Variants in ZFPM2 observed in about 807,000 individuals in gnomAD.
The protein encoded by ZFPM2 is zinc finger protein, FOG family member 2.
ZFPM2 carries 20 observed loss-of-function variants against 98.6 expected under a neutral mutation model. That is an observed-to-expected ratio of 0.20 (90% CI 0.14 to 0.29). The LOEUF (loss-of-function observed/expected upper bound fraction) is 0.29. ZFPM2 is among the 10% of genes least tolerant of loss of function. The pLI is 1.00. For synonymous variants in ZFPM2, 518 were observed against 502.7 expected, an observed-to-expected ratio of 1.03 and a Z score of -0.41; for missense variants, 1,310 against 1,388.6, an observed-to-expected ratio of 0.94 and a Z score of 0.90.
intron 2 of ZFPM2, among the ~76,000 whole-genome samples, chr8:105,442,279 G>A (rs977554299): frequency 3.2e-4 from 48 of 152,184 alleles, no homozygotes; most frequent in Middle Eastern, 6.8e-3. Context: ...AGGAGGTGGA[G>A]CTTGCAGTGA....
chr8:105,531,579 T>C (rs1044125310), intron 3 of ZFPM2, among the ~76,000 whole-genome samples: 8 of 152,178 alleles, frequency 5.3e-5, no homozygotes, highest in African/African-American at 1.9e-4. Flanking sequence ...TTCCAAATAG[T>C]GTGACATCCT....
At chr8:105,468,946 T>C (rs967033025) in intron 3 of ZFPM2, among the ~76,000 whole-genome samples, 4 of 151,822 alleles carry the variant, frequency 2.6e-5, no homozygotes, top group African/African-American at 9.7e-5. Flanking sequence ...TTTTAACTAC[T>C]CTGCTGAATA....
At position 105,489,829 on chromosome 8, in the gene ZFPM2, C is replaced by T. The variant is rs149252066; in HGVS notation, c.301+45448C>T. 5.3e-4 allele frequency among the ~76,000 whole-genome samples: 80 copies of T among 152,182 alleles called. No homozygotes were observed. The East Asian group carries it at 0.012, about 24-fold the overall frequency. ...CTAAAATCATAAGAAATTCAAATTGCTCTATCAAATTCTTACACTTATATT... is the reference window on the plus strand; with the variant it reads ...CTAAAATCATAAGAAATTCAAATTGTTCTATCAAATTCTTACACTTATATT... On this transcript the variant is annotated intron_variant, in intron 3 of 7. Transcript: ENST00000407775.
At chr8:105,594,955 G>A (rs528339332) in intron 4 of ZFPM2, among the ~76,000 whole-genome samples, 1 of 152,174 alleles carries the variant, frequency 6.6e-6, no homozygotes, top group East Asian at 1.9e-4. Flanking sequence ...GATTTCTGAT[G>A]GAGGATTCTA....
intron 4 of ZFPM2, among the ~76,000 whole-genome samples, chr8:105,597,881 A>G (rs1301090813): frequency 6.6e-6 from 1 of 152,098 alleles, no homozygotes; most frequent in African/African-American, 2.4e-5. Flanking sequence ...ACTATTAATT[A>G]GGATAAATAT....
intron 5 of ZFPM2, among the ~76,000 whole-genome samples, chr8:105,760,519 T>C (rs1333330013): frequency 6.6e-6 from 1 of 152,066 alleles, no homozygotes; most frequent in Non-Finnish European, 1.5e-5. Context: ...TTAAATGTAC[T>C]TCCTGTCTAA....
At chr8:105,421,446 A>G (rs1811790962) in intron 2 of ZFPM2, among the ~76,000 whole-genome samples, 1 of 152,168 alleles carries the variant, frequency 6.6e-6, no homozygotes, top group Admixed American at 6.5e-5. Flanking sequence ...CAGGATAAAT[A>G]GTAATATTAC....
intron 4 of ZFPM2, among the ~76,000 whole-genome samples, chr8:105,622,907 A>C (rs1397506479): frequency 6.6e-6 from 1 of 152,168 alleles, no homozygotes. Context: ...CCAAATATAC[A>C]GTTTTTCTTT....
chr8:105,490,702 T>C (rs1292410161), intron 3 of ZFPM2, among the ~76,000 whole-genome samples: 1 of 152,192 alleles, frequency 6.6e-6, no homozygotes, highest in Non-Finnish European at 1.5e-5. Flanking sequence ...TTCTTATATA[T>C]GTTTAAATTG....
chr8:105,780,934 C>T (rs1430281378), intron 5 of ZFPM2, among the ~76,000 whole-genome samples: 2 of 152,214 alleles, frequency 1.3e-5, no homozygotes, highest in Non-Finnish European at 2.9e-5. Flanking sequence ...AAATGGACGT[C>T]TTCTCTACTG....
intron 3 of ZFPM2, among the ~76,000 whole-genome samples, chr8:105,537,859 T>C (rs947260931): frequency 6.6e-6 from 1 of 152,054 alleles, no homozygotes; most frequent in African/African-American, 2.4e-5. Context: ...GCCTCCCTAG[T>C]AGCTGGGACT....
chr8:105,427,744 T>TA (rs760212024), intron 2 of ZFPM2, among the ~76,000 whole-genome samples: 28 of 152,182 alleles, frequency 1.8e-4, no homozygotes, highest in Admixed American at 2.0e-4. Context: ...AAAGGTCAAG[T>TA]AAAAATAACT....
At chr8:105,637,216 C>T (rs1195576237) in intron 5 of ZFPM2, among the ~76,000 whole-genome samples, 2 of 152,064 alleles carry the variant, frequency 1.3e-5, no homozygotes, top group African/African-American at 2.4e-5. Context: ...TTGACAGCTC[C>T]AAATTTTGTG....
In ZFPM2 at chr8:105,422,067, AAAG is replaced by A. The variant is rs1192483680; in HGVS notation, c.199+2766_199+2768del. Reference sequence around the variant, plus strand: ...CATCTCAAAAAAAAAAAAAAAAAAAAAAGGTAGAAGTATTTAAATGGTTAACAA... The same window carrying A: ...CATCTCAAAAAAAAAAAAAAAAAAAAGTAGAAGTATTTAAATGGTTAACAA... On this transcript the variant is annotated intron_variant, in intron 2 of 7. Transcript: ENST00000407775. Among the ~76,000 whole-genome samples the A allele has an allele frequency of 2.0e-5, 3 of 151,956 alleles. No homozygotes were observed. The East Asian group carries it at 5.8e-4, about 29-fold the overall frequency.
chr8:105,458,853 A>AT lies in ZFPM2; in HGVS notation c.301+14483dup, dbSNP rs551610908. ...ATTATCATATTCCTTAGTAGAGAAT[A>AT]TTTTTTTTTTTACTCTGTAAGTTGA... On this transcript the variant is annotated intron_variant, in intron 3 of 7. Coordinates refer to ENST00000407775, the MANE Select transcript of ZFPM2 (RefSeq NM_012082.4). Among the ~76,000 whole-genome samples the AT allele has an allele frequency of 2.4e-3, 359 of 148,180 alleles. 2 individuals are homozygous for AT. The highest frequency in any genetic ancestry group is 6.2e-3 in the African/African-American group (251 of 40,728).
chr8:105,533,353 TTCAAAATGTGTAAGGAGTAA>T lies in ZFPM2; in HGVS notation c.302-28005_302-27986del, dbSNP rs567339145. ...GTCACTCTGGGTGGTCAAGCTCCAT[TTCAAAATGTGTAAGGAGTAA>T]TCAAGGAGATAAGACACTACATTTC... On this transcript the variant is annotated intron_variant, in intron 3 of 7. Coordinates refer to ENST00000407775, the MANE Select transcript of ZFPM2 (RefSeq NM_012082.4). Among the ~76,000 whole-genome samples, 130 of 152,278 alleles carry T rather than the reference TTCAAAATGTGTAAGGAGTAA, an allele frequency of 8.5e-4. 1 individual carries two copies. The highest frequency in any genetic ancestry group is 2.3e-3 in the South Asian group (11 of 4,826).
chr8:105,696,191 C>T (rs778595433), intron 5 of ZFPM2, among the ~76,000 whole-genome samples: 5 of 152,116 alleles, frequency 3.3e-5, no homozygotes, highest in South Asian at 4.1e-4. Flanking sequence ...TGGGCCCTGC[C>T]GTGCACCATC....
chr8:105,503,190 G>T (rs1813630461), intron 3 of ZFPM2, among the ~76,000 whole-genome samples: 1 of 152,120 alleles, frequency 6.6e-6, no homozygotes, highest in African/African-American at 2.4e-5. Context: ...GTAACTATTG[G>T]ATTCTGAAAG....
Position 105,466,775 on chromosome 8 carries a change from AT to A in ZFPM2, c.301+22405del, listed in dbSNP as rs1187618358. On this transcript the variant is annotated intron_variant, in intron 3 of 7. Coordinates refer to ENST00000407775, the MANE Select transcript of ZFPM2 (RefSeq NM_012082.4). ...AAATGATTTTCTAAAATTGCCTTAC[AT>A]TTTTTTTTTTAATTTTGAGGAAGTT... is the stretch of plus-strand genomic sequence containing the variant. Among the ~76,000 whole-genome samples the A allele has an allele frequency of 5.8e-3, 801 of 138,460 alleles. 4 individuals carry two copies. The highest frequency in any genetic ancestry group is 0.012 in the African/African-American group (488 of 39,774). The allele number at this position is 138,460 out of a possible 152,430, so 90.8% of individuals were successfully genotyped here. A position where few individuals can be genotyped will look rare whatever the true frequency, so the allele number is the denominator to read the frequency against.
Sources: allele counts gnomAD v4.1 joint callset (sites outside exome capture counted in the v4.1 genomes callset), GRCh38; gene constraint gnomAD v4.1.1; transcripts MANE v1.5; gene names NCBI Gene and HGNC (gene_info 2026-07-23, HGNC 2026-07-21).